The following EPC2 variants were observed in gnomAD, a reference collection of about 807,000 sequenced individuals.
EPC2 encodes enhancer of polycomb homolog 2.
In EPC2, 14 loss-of-function variants were observed where a neutral mutation model predicts 92.1. The ratio of observed to expected loss-of-function variants is 0.15; its 90% CI spans 0.10 to 0.24. EPC2 has a LOEUF of 0.24. EPC2 is among the 10% of genes least tolerant of loss of function. The pLI is 1.00. For missense variants in EPC2, 755 were observed against 971.5 expected (o/e 0.78, Z 2.96); for synonymous variants, 340 against 334.7 (o/e 1.02, Z -0.17).
intron 1 of EPC2, among the ~76,000 whole-genome samples, chr2:148,675,667 A>G (rs1307150666): frequency 6.6e-6 from 1 of 152,208 alleles, no homozygotes; most frequent in Non-Finnish European, 1.5e-5. Flanking sequence ...AGATGGGCCC[A>G]GTATCTATCC....
intron 1 of EPC2, among the ~76,000 whole-genome samples, chr2:148,666,884 T>C (rs1033578251): frequency 1.5e-4 from 21 of 138,238 alleles, no homozygotes; most frequent in African/African-American, 1.6e-4. Context: ...TTTTTTTTTT[T>C]CCAGGCTCAG....
chr2:148,756,946 T>C (rs1683201540), intron 4 of EPC2, among the ~76,000 whole-genome samples: 1 of 152,192 alleles, frequency 6.6e-6, no homozygotes, highest in South Asian at 2.1e-4. Flanking sequence ...TGTAACTGTA[T>C]TAGGGAGAAA....
At chr2:148,753,894 T>G in intron 3 of EPC2, 33 bp from the exon 4 acceptor site, 1 of 1,569,546 alleles carries the variant, frequency 6.4e-7, no homozygotes, top group Admixed American at 1.9e-5. Context: ...TTGCAAACAT[T>G]GTAGCCAATG....
In EPC2 at chr2:148,753,980, T is replaced by G. The variant is rs772965615; in HGVS notation, c.513T>G (p.Ile171Met). ...TGCTAAACGAAGATGATTACCTTATTAAAGCTGTATATGACTACTGGGTGA... is the reference window on the plus strand; with the variant it reads ...TGCTAAACGAAGATGATTACCTTATGAAAGCTGTATATGACTACTGGGTGA... ...KLLLNEDDYL[I>M]KAVYDYWVRK... The change falls in exon 4 of 14, where the codon ATT becomes ATG. Residue 171 changes from isoleucine (I) to methionine (M), a missense_variant. Ile to Met is a conservative substitution (Grantham distance 10). Around this residue, in one of 4 missense-constraint regions of EPC2, gnomAD observed 509 missense variants for 607.7 expected, o/e 0.84. Coordinates refer to ENST00000258484, the MANE Select transcript of EPC2 (RefSeq NM_015630.4). 6.2e-7 allele frequency: 1 copy of G among 1,612,290 alleles called. No homozygotes were observed. The highest frequency in any genetic ancestry group is 8.5e-7 in the Non-Finnish European group (1 of 1,179,150).
intron 2 of EPC2, among the ~76,000 whole-genome samples, chr2:148,713,018 G>C (rs546397548): frequency 2.6e-5 from 4 of 152,250 alleles, no homozygotes; most frequent in African/African-American, 9.6e-5. Context: ...CATAGACCCT[G>C]TCTCAATAAA....
chr2:148,749,510 ATTGT>A (rs1683047594), intron 3 of EPC2, among the ~76,000 whole-genome samples: 1 of 151,776 alleles, frequency 6.6e-6, no homozygotes, highest in South Asian at 2.1e-4. Context: ...CAGCATTTTA[ATTGT>A]TTACTTGATA....
intron 2 of EPC2, among the ~76,000 whole-genome samples, chr2:148,742,972 A>T (rs1399577157): frequency 1.3e-5 from 2 of 152,098 alleles, no homozygotes; most frequent in African/African-American, 4.8e-5. Flanking sequence ...AAAGTTTTCT[A>T]AGTAGAAATT....
chr2:148,782,694 A>G (rs955496096), intron 11 of EPC2, among the ~76,000 whole-genome samples: 10 of 152,314 alleles, frequency 6.6e-5, no homozygotes, highest in Admixed American at 5.2e-4. Context: ...AGCCCTGCCA[A>G]CACCTTGATT....
intron 1 of EPC2, among the ~76,000 whole-genome samples, chr2:148,672,979 A>G (rs1310805924): frequency 6.6e-6 from 1 of 152,114 alleles, no homozygotes. Flanking sequence ...CTGTTCTGAC[A>G]GTTTTTTTCT....
rs1220438097 is a variant in EPC2 at position 148,680,483 on chromosome 2, G to T, written c.154-9731G>T. On this transcript the variant is annotated intron_variant, in intron 1 of 13. Coordinates refer to ENST00000258484, the MANE Select transcript of EPC2 (RefSeq NM_015630.4). ...TAATTCATGCATTGTAGCATATTCA[G>T]CCATCTAGTTTCGTTTACTCTAGTG... Among the ~76,000 whole-genome samples the T allele has an allele frequency of 2.6e-5, 4 of 152,164 alleles. No individual in the cohort carries two copies. The East Asian group carries it at 5.8e-4, about 22-fold the overall frequency.
intron 1 of EPC2, among the ~76,000 whole-genome samples, chr2:148,651,115 G>C (rs1456326659): frequency 6.6e-6 from 1 of 152,228 alleles, no homozygotes; most frequent in African/African-American, 2.4e-5. Context: ...ATGTCATAAA[G>C]AAGGCTTCTT....
chr2:148,675,044 C>T (rs1330063607), intron 1 of EPC2, among the ~76,000 whole-genome samples: 2 of 152,188 alleles, frequency 1.3e-5, no homozygotes, highest in Admixed American at 6.5e-5. Flanking sequence ...TTGCCTGTTG[C>T]ACATTCTGCT....
chr2:148,762,656 G>T lies in EPC2; in HGVS notation c.816-14G>T. ...CTATGCAATGTTTTCTTATATTTTT[G>T]TTACCTTTTCAAGATACCATTTGGG... On this transcript the variant is annotated splice_polypyrimidine_tract_variant and intron_variant, in intron 5 of 13. Coordinates refer to ENST00000258484, the MANE Select transcript of EPC2 (RefSeq NM_015630.4). 3 of 1,549,462 alleles carry T rather than the reference G, an allele frequency of 1.9e-6. No individual in the cohort carries two copies. The highest frequency in any genetic ancestry group is 1.2e-5 in the South Asian group (1 of 80,472).
chr2:148,761,346 C>T (rs986758472), intron 4 of EPC2, among the ~76,000 whole-genome samples: 5 of 152,128 alleles, frequency 3.3e-5, no homozygotes, highest in African/African-American at 1.2e-4. Flanking sequence ...CCATCCAGCC[C>T]CCAGTTACAG....
intron 2 of EPC2, among the ~76,000 whole-genome samples, chr2:148,726,782 G>A (rs1452144853): frequency 8.1e-5 from 8 of 98,862 alleles, no homozygotes; most frequent in Non-Finnish European, 9.4e-5. Flanking sequence ...TTTTTTTTGC[G>A]TTTTTTTGTT....
At chr2:148,695,515 C>T (rs78558727) in intron 2 of EPC2, among the ~76,000 whole-genome samples, 10 of 152,342 alleles carry the variant, frequency 6.6e-5, no homozygotes, top group African/African-American at 2.2e-4. Flanking sequence ...GTGTATACCA[C>T]TAGGTTTTTC....
chr2:148,652,759 T>TTAATACTGCTGAG lies in EPC2; in HGVS notation c.153+7589_153+7590insTAATACTGCTGAG, dbSNP rs1680714034. ...CTGCTGAGATCCTGTCAATTTGGCTTATCGTTCTTTTATGAGGATCGATTA... is the reference window on the plus strand; with the variant it reads ...CTGCTGAGATCCTGTCAATTTGGCTTTAATACTGCTGAGATCGTTCTTTTATGAGGATCGATTA... On this transcript the variant is annotated intron_variant, in intron 1 of 13. Coordinates refer to ENST00000258484, the MANE Select transcript of EPC2 (RefSeq NM_015630.4). Among the ~76,000 whole-genome samples, 3 of 152,340 alleles carry TTAATACTGCTGAG rather than the reference T, an allele frequency of 2.0e-5. No homozygotes were observed. The South Asian group carries it at 6.2e-4, about 32-fold the overall frequency.
chr2:148,758,642 C>T (rs61083033), intron 4 of EPC2, among the ~76,000 whole-genome samples: 1,535 of 152,130 alleles, frequency 0.01, 25 homozygotes, highest in African/African-American at 0.034. Flanking sequence ...GTGATCTGCC[C>T]GCCTCGGCCT....
chr2:148,781,887 A>T (rs992873822), intron 11 of EPC2, 107 bp downstream of exon 11: 5 of 1,322,508 alleles, frequency 3.8e-6, no homozygotes, highest in Non-Finnish European at 3.1e-6. Flanking sequence ...GCCACTCTTG[A>T]TTTGGGGTCT....
Sources: gnomAD v4.1 joint callset for allele counts (sites outside exome capture counted in the v4.1 genomes callset) on GRCh38, gnomAD v4.1.1 for gene constraint, gnomAD v4.1.1 regional missense constraint, MANE v1.5 for transcripts, NCBI Gene and HGNC (gene_info 2026-07-23, HGNC 2026-07-21) for gene names.